Variants in DCAF5 observed in about 807,000 individuals in gnomAD.
The protein encoded by DCAF5 is DDB1- and CUL4-associated factor 5.
A neutral mutation model predicts 80.7 loss-of-function variants in DCAF5; 9 were observed. That is an observed-to-expected ratio of 0.11 (90% confidence interval 0.07 to 0.19). The LOEUF (loss-of-function observed/expected upper bound fraction) is 0.19. Among genes scored for constraint, DCAF5 ranks in the 10% least tolerant of loss-of-function variants. DCAF5 has a pLI of 1.00. For missense variants in DCAF5, 842 were observed against 1,205.7 expected, an observed-to-expected ratio of 0.70 and a Z score of 4.47; for synonymous variants, 433 against 461.9, an observed-to-expected ratio of 0.94 and a Z score of 0.80.
intron 6 of DCAF5, among the ~76,000 whole-genome samples, chr14:69,082,298 T>G (rs1028359669): frequency 3.9e-5 from 6 of 152,198 alleles, no homozygotes; most frequent in Non-Finnish European, 5.9e-5. Context: ...TGCCTCCCAA[T>G]AAAAGCATAC....
chr14:69,119,340 C>T (rs1225112040), intron 2 of DCAF5, 110 bp from the exon 3 acceptor site: 2 of 1,026,110 alleles, frequency 1.9e-6, no homozygotes, highest in African/African-American at 1.6e-5. Context: ...AAAGCCAATG[C>T]TAATACAAAT....
Position 69,054,023 on chromosome 14 carries a change from A to G in DCAF5, c.2663T>C (p.Met888Thr), listed in dbSNP as rs142890884. 1.9e-6 allele frequency: 3 copies of G among 1,612,702 alleles called. No homozygotes were observed. The Admixed American group carries it at 5.0e-5, about 27-fold the overall frequency. ...LLHKDCCGSE[M>T]ACETPNAGTR... ...TCCAGCATTGGGGGTCTCACAGGCC[A>G]TTTCAGACCCGCAACAATCTTTGTG... The change falls in exon 9 of 9, where the codon ATG becomes ACG. Residue 888 changes from methionine to threonine, a missense_variant. Physicochemically the swap from Met to Thr is moderately conservative, Grantham distance 81 (BLOSUM62 -1). Around this residue, in one of 5 missense-constraint regions of DCAF5, gnomAD observed 607 missense variants for 656.6 expected, o/e 0.92. Coordinates refer to ENST00000341516, the MANE Select transcript of DCAF5 (RefSeq NM_003861.3).
At chr14:69,136,502 T>C (rs2041200374) in intron 1 of DCAF5, among the ~76,000 whole-genome samples, 1 of 152,206 alleles carries the variant, frequency 6.6e-6, no homozygotes. Context: ...ACACACAGAT[T>C]TGAGAAAATG....
rs570988488 is a variant in DCAF5 at position 69,153,038 on chromosome 14, C to T, written c.-60G>A. 9.8e-6 allele frequency: 13 copies of T among 1,324,460 alleles called. No homozygotes were observed. The East Asian group carries it at 3.2e-4, about 33-fold the overall frequency. 82.0% of individuals were successfully genotyped at this position (1,324,460 alleles called of 1,614,324 possible). A position where few individuals can be genotyped will look rare whatever the true frequency, so the allele number is the denominator to read the frequency against. On this transcript the variant is annotated 5_prime_UTR_variant, in exon 1 of 9. Transcript: ENST00000341516. ...CCCCTCCCTCGGCCTCACGCGCGGC[C>T]GCTGCTCCCCCCACCCGGCCCTCCC...
rs373360107 is a variant in DCAF5 at position 69,114,096 on chromosome 14, G to A, written c.665+2270C>T. On this transcript the variant is annotated intron_variant, in intron 5 of 8. Transcript: ENST00000341516. ...AGCAATAGTTCAAGTGTTGGTGAAG[G>A]TCTGGAGACACATGCAATCTTATAC... 9.9e-5 allele frequency among the ~76,000 whole-genome samples: 15 copies of A among 152,272 alleles called. No homozygotes were observed. The East Asian group carries it at 2.9e-3, about 29-fold the overall frequency.
intron 1 of DCAF5, among the ~76,000 whole-genome samples, chr14:69,124,572 G>A (rs1254063686): frequency 6.6e-6 from 1 of 152,186 alleles, no homozygotes; most frequent in East Asian, 1.9e-4. Flanking sequence ...GTGGCCCACA[G>A]TGTTCTCTTT....
At chr14:69,057,748 TA>T (rs1368658257) in intron 8 of DCAF5, among the ~76,000 whole-genome samples, 2 of 152,258 alleles carry the variant, frequency 1.3e-5, no homozygotes, top group East Asian at 3.9e-4. Context: ...GACTCCTAGT[TA>T]GTGGGTGATG....
chr14:69,096,080 A>G (rs1299001714), intron 5 of DCAF5, among the ~76,000 whole-genome samples: 2 of 152,196 alleles, frequency 1.3e-5, no homozygotes, highest in African/African-American at 4.8e-5. Context: ...CCCACAGAAT[A>G]TGACAAATCC....
chr14:69,138,126 A>C (rs753462337), intron 1 of DCAF5, among the ~76,000 whole-genome samples: 2 of 151,830 alleles, frequency 1.3e-5, no homozygotes, highest in African/African-American at 2.4e-5. Context: ...CAAGACACCT[A>C]TTTAAAAAAA....
intron 4 of DCAF5, among the ~76,000 whole-genome samples, chr14:69,117,926 G>A (rs1183876491): frequency 2.0e-5 from 3 of 152,168 alleles, no homozygotes; most frequent in Admixed American, 2.0e-4. Flanking sequence ...TCACAGGAGG[G>A]TGGAGAAGGA....
At position 69,055,117 on chromosome 14, in the gene DCAF5, G is replaced by A. The variant is rs2037908269; in HGVS notation, c.1569C>T (p.Arg523=). ...LSALRRYQDK[R]LLALSNESDS... ...CGGACTCATTGGAAAGGGCCAGGAG[G>A]CGTTTGTCTTGGTAGCGCCGCAGAG... The change falls in exon 9 of 9, where the codon CGC becomes CGT. Residue 523 remains arginine (R), a synonymous_variant. Coordinates refer to ENST00000341516, the MANE Select transcript of DCAF5 (RefSeq NM_003861.3). This position sits in a 1 kb window ranked among gnomAD's most constrained non-coding sequence, Gnocchi z 5.6. 18 of 1,614,258 alleles carry A rather than the reference G, an allele frequency of 1.1e-5. No individual in the cohort carries two copies. The highest frequency in any genetic ancestry group is 1.5e-5 in the Non-Finnish European group (18 of 1,180,046).
intron 1 of DCAF5, among the ~76,000 whole-genome samples, chr14:69,138,485 G>C (rs2041259753): frequency 6.6e-6 from 1 of 152,174 alleles, no homozygotes; most frequent in Non-Finnish European, 1.5e-5. Flanking sequence ...ACCATGTTCA[G>C]GGGCAATGAA....
intron 5 of DCAF5, among the ~76,000 whole-genome samples, chr14:69,094,153 C>T (rs1468331200): frequency 6.6e-6 from 1 of 152,166 alleles, no homozygotes; most frequent in Non-Finnish European, 1.5e-5. Flanking sequence ...AGAGACTTGG[C>T]CAGCCTCACC....
chr14:69,066,708 C>T (rs941603961), intron 7 of DCAF5, among the ~76,000 whole-genome samples: 1 of 152,216 alleles, frequency 6.6e-6, no homozygotes, highest in African/African-American at 2.4e-5. Context: ...TCAAATGTCT[C>T]CCTAGAGAAG....
intron 6 of DCAF5, among the ~76,000 whole-genome samples, chr14:69,076,725 T>C (rs1366525460): frequency 2.0e-5 from 3 of 152,206 alleles, no homozygotes; most frequent in Non-Finnish European, 2.9e-5. Context: ...AGCAATGTGA[T>C]TGTACTTAAT....
chr14:69,144,361 G>A (rs953327987), intron 1 of DCAF5, among the ~76,000 whole-genome samples: 11 of 151,880 alleles, frequency 7.2e-5, no homozygotes, highest in South Asian at 2.1e-4. Flanking sequence ...TCACAAGGTC[G>A]GGACATCGAG....
chr14:69,063,961 A>C (rs943082808), intron 7 of DCAF5, among the ~76,000 whole-genome samples: 1 of 152,204 alleles, frequency 6.6e-6, no homozygotes, highest in African/African-American at 2.4e-5. Context: ...TCTCAGCCCA[A>C]CATCAAGTTT....
chr14:69,126,291 G>T (rs374211348), intron 1 of DCAF5, among the ~76,000 whole-genome samples: 2 of 151,380 alleles, frequency 1.3e-5, no homozygotes, highest in East Asian at 3.9e-4. Context: ...CTGAGTAGCT[G>T]GGATTACAGA....
At chr14:69,084,656 A>C (rs1018601543) in intron 6 of DCAF5, 13 of 1,099,926 alleles carry the variant, frequency 1.2e-5, no homozygotes, top group Non-Finnish European at 1.8e-5. Context: ...CCAAAAAAAG[A>C]AGCTTATGGC....
Sources: allele counts gnomAD v4.1 joint callset (sites outside exome capture counted in the v4.1 genomes callset), GRCh38; gene constraint gnomAD v4.1.1; regional missense constraint gnomAD v4.1.1; non-coding constraint Gnocchi (gnomAD v3.1); transcripts MANE v1.5; gene names NCBI Gene and HGNC (gene_info 2026-07-23, HGNC 2026-07-21).